TG: variants seen among roughly 807,000 people sequenced by gnomAD.
TG encodes thyroid hormones.
Under a neutral mutation model 324.7 loss-of-function variants are expected in TG, and 270 were observed. The ratio of observed to expected loss-of-function variants is 0.83; its 90% CI spans 0.75 to 0.92. The LOEUF (loss-of-function observed/expected upper bound fraction) is 0.92, where lower values mean the gene tolerates loss of function less well. Ranked by LOEUF, TG falls within the 40% of genes least tolerant of loss-of-function variation. The probability of loss-of-function intolerance (pLI) is 0.00; values close to 1 mark genes in which losing one functional copy is unlikely to be tolerated. For synonymous variants in TG, 1,401 were observed against 1,327.0 expected (o/e 1.06, Z -1.21); for missense variants, 3,591 against 3,456.4 (o/e 1.04, Z -0.98).
At chr8:132,945,475 A>C (rs1825116947) in intron 26 of TG, among the ~76,000 whole-genome samples, 1 of 152,156 alleles carries the variant, frequency 6.6e-6, no homozygotes, top group Admixed American at 6.5e-5. Flanking sequence ...TGTGGGGTAT[A>C]CTAAGTTTGA....
intron 41 of TG, among the ~76,000 whole-genome samples, chr8:133,071,578 T>C (rs1286703432): frequency 6.6e-6 from 1 of 152,084 alleles, no homozygotes; most frequent in Non-Finnish European, 1.5e-5. Flanking sequence ...GCTTGGAACT[T>C]GCATTCAGAG....
chr8:132,900,406 A>C (rs2132280220), intron 15 of TG, 67 bp downstream of exon 15: 1 of 1,463,176 alleles, frequency 6.8e-7, no homozygotes, highest in African/African-American at 1.4e-5. Context: ...TGGAGTCCAA[A>C]GAGCTGGCTT....
At chr8:133,069,292 A>G (rs1843585582) in intron 41 of TG, among the ~76,000 whole-genome samples, 3 of 152,222 alleles carry the variant, frequency 2.0e-5, no homozygotes, top group Non-Finnish European at 4.4e-5. Context: ...TCATAAACTT[A>G]TCAAGCAAGA....
rs1264364474 is a variant in TG at position 133,116,564 on chromosome 8, A to G, written c.7755-45A>G. The stretch of plus-strand genomic sequence containing the variant: ...GCCCTTTCCAGGCACCATGGCCCAT[A>G]GAGCCATGTTTAACCAGACTCCCCC... On this transcript the variant is annotated intron_variant, in intron 44 of 47. Transcript: ENST00000220616. 5 of 1,546,738 alleles carry G rather than the reference A, an allele frequency of 3.2e-6. No individual in the cohort carries two copies. In the African/African-American group the frequency reaches 4.1e-5, roughly 13 times the overall value.
chr8:132,941,635 A>G (rs1349309966), intron 26 of TG, 93 bp downstream of exon 26: 2 of 1,475,274 alleles, frequency 1.4e-6, no homozygotes, highest in Admixed American at 3.5e-5. Flanking sequence ...CTGCATGGGG[A>G]GTACAGTGTG....
chr8:132,875,460 G>T (rs1408062938), intron 5 of TG, among the ~76,000 whole-genome samples: 1 of 152,164 alleles, frequency 6.6e-6, no homozygotes. Context: ...ACCCTAGTAA[G>T]CTTAGGTGCT....
chr8:133,127,014 A>C (rs1043720942), intron 45 of TG, among the ~76,000 whole-genome samples: 9 of 152,136 alleles, frequency 5.9e-5, no homozygotes, highest in Admixed American at 4.6e-4. Context: ...CTCTCAAATC[A>C]GTCCATTCAG....
intron 23 of TG, 74 bp from the exon 24 acceptor site, chr8:132,933,487 A>AG: frequency 8.6e-7 from 1 of 1,162,270 alleles, no homozygotes. Context: ...GGGCAGGGGC[A>AG]GGGGGATGTG....
chr8:133,083,586 G>A (rs536124562), intron 41 of TG, among the ~76,000 whole-genome samples: 16 of 152,252 alleles, frequency 1.1e-4, no homozygotes, highest in Non-Finnish European at 1.9e-4. Context: ...TTTTACAGAT[G>A]AGGAAATGGA....
intron 41 of TG, among the ~76,000 whole-genome samples, chr8:133,074,354 G>C (rs73708826): frequency 0.022 from 3,396 of 152,198 alleles, 118 homozygotes; most frequent in African/African-American, 0.078. Flanking sequence ...CATGACTCCA[G>C]CCTGATAGCG....
intron 41 of TG, among the ~76,000 whole-genome samples, chr8:133,065,768 TAATAAAATAAAATAA>T (rs60174705): frequency 0.014 from 2,051 of 150,806 alleles, 56 homozygotes; most frequent in African/African-American, 0.048. Flanking sequence ...GTCTCAAAAA[TAATAAAATAAAATAA>T]AATAAAATAA....
At chr8:133,125,687 C>T (rs1208507323) in intron 45 of TG, among the ~76,000 whole-genome samples, 2 of 152,160 alleles carry the variant, frequency 1.3e-5, no homozygotes, top group Non-Finnish European at 2.9e-5. Context: ...GATGGGCCAG[C>T]TGTGGAGTTC....
At chr8:133,029,746 C>CATAGACAGCACCATG (rs1836444214) in intron 40 of TG, 75 bp from the exon 41 acceptor site, 2 of 1,588,918 alleles carry the variant, frequency 1.3e-6, no homozygotes, top group East Asian at 4.5e-5. Flanking sequence ...ATATGCCTGC[C>CATAGACAGCACCATG]ATAGACAGCA....
At chr8:133,056,858 C>A (rs1267452358) in intron 41 of TG, among the ~76,000 whole-genome samples, 3 of 152,150 alleles carry the variant, frequency 2.0e-5, no homozygotes, top group African/African-American at 7.2e-5. Context: ...GGTCTGTGGT[C>A]TGCAAGCTTT....
Position 133,074,598 on chromosome 8 carries a change from G to C in TG, c.7240-20446G>C, listed in dbSNP as rs377499073. On this transcript the variant is annotated intron_variant, in intron 41 of 47. Coordinates refer to ENST00000220616, the MANE Select transcript of TG (RefSeq NM_003235.5). ...CCTGCTAAGTACAAGCCTTTTTGGC[G>C]AGAATGTCTCCTCTGGCAGCATCCT... is the stretch of plus-strand genomic sequence containing the variant. Among the ~76,000 whole-genome samples the C allele has an allele frequency of 1.4e-4, 21 of 152,282 alleles. 1 individual carries two copies. Among genetic ancestry groups the C allele is most frequent in the African/African-American group, 5.1e-4 (21 of 41,570 alleles).
intron 35 of TG, chr8:133,001,665 C>A: frequency 1.2e-6 from 1 of 801,684 alleles, no homozygotes; most frequent in Non-Finnish European, 1.5e-6. Context: ...TTGTCTCCGT[C>A]CGATGACGAC....
rs190458607 is a variant in TG, at chr8:133,084,756, C to T, written c.7240-10288C>T. Among the ~76,000 whole-genome samples the T allele has an allele frequency of 2.0e-4, 30 of 152,370 alleles. No homozygotes were observed. In the South Asian group the frequency reaches 6.0e-3, roughly 30 times the overall value. On this transcript the variant is annotated intron_variant, in intron 41 of 47. Coordinates refer to ENST00000220616, the MANE Select transcript of TG (RefSeq NM_003235.5). ...GGAGAGACCCCTTAGAGCGCTCCCC[C>T]ACAGGGGCCTGGGAAGGCCTCCACA... is the stretch of plus-strand genomic sequence containing the variant.
intron 41 of TG, among the ~76,000 whole-genome samples, chr8:133,079,377 C>T (rs872644): frequency 0.26 from 39,025 of 152,168 alleles, 5,317 homozygotes; most frequent in African/African-American, 0.31. Flanking sequence ...TTAAGTACTA[C>T]GCTGTGGTCA....
At chr8:133,131,785 G>C (rs1403276260) in intron 45 of TG, 27 bp from the exon 46 acceptor site, 2 of 1,613,746 alleles carry the variant, frequency 1.2e-6, no homozygotes, top group South Asian at 2.2e-5. Flanking sequence ...TTGACCTTTT[G>C]CTGCTGCTTT....
Sources: allele counts gnomAD v4.1 joint callset (sites outside exome capture counted in the v4.1 genomes callset), GRCh38; gene constraint gnomAD v4.1.1; transcripts MANE v1.5; gene names NCBI Gene and HGNC (gene_info 2026-07-23, HGNC 2026-07-21).